Variants in KLRC1 observed in about 807,000 individuals in gnomAD.
KLRC1 encodes killer cell lectin like receptor C1.
A neutral mutation model predicts 25.9 loss-of-function variants in KLRC1; 22 were observed. The observed-to-expected ratio is 0.85, with a 90% confidence interval of 0.61 to 1.21. The LOEUF (loss-of-function observed/expected upper bound fraction) is 1.21. KLRC1 is among the 50% of genes most tolerant of loss of function. The pLI, the probability that KLRC1 is intolerant of heterozygous loss-of-function variation, is 0.00. For missense variants in KLRC1, 240 were observed against 272.2 expected (o/e 0.88, Z 0.83); for synonymous variants, 77 against 93.1 (o/e 0.83, Z 0.99).
rs1486964692 is a variant in KLRC1 at position 10,451,024 on chromosome 12, G to A, written c.133C>T (p.Leu45Phe). 7 of 1,613,612 alleles carry A rather than the reference G, an allele frequency of 4.3e-6. No individual in the cohort carries two copies. Among genetic ancestry groups the A allele is most frequent in the Non-Finnish European group, 5.9e-6 (7 of 1,179,798 alleles). ...TGAAAATCCTGAGAAGCTTTTTGAA[G>A]GTTTAATTCCGCATAGGTTATTTCC... is the stretch of plus-strand genomic sequence containing the variant. Reference protein sequence around the residue: ...EQEITYAELNLQKASQDFQGN... With the variant: ...EQEITYAELNFQKASQDFQGN... Residue 45 changes from leucine to phenylalanine, a missense_variant, in exon 2 of 7, where the codon CTT (leucine) becomes TTT (phenylalanine). Leu to Phe is a conservative substitution (Grantham distance 22). Coordinates refer to ENST00000359151, the MANE Select transcript of KLRC1 (RefSeq NM_002259.5).
At chr12:10,446,724 C>T in intron 6 of KLRC1, 62 bp from the exon 7 acceptor site, 4 of 1,596,158 alleles carry the variant, frequency 2.5e-6, no homozygotes, top group Non-Finnish European at 3.4e-6. Context: ...GAGACGAAAG[C>T]ATTTTCCATG....
intron 2 of KLRC1, 34 bp from the exon 3 acceptor site, chr12:10,450,613 A>T (rs1275585489): frequency 3.1e-6 from 4 of 1,300,242 alleles, no homozygotes; most frequent in Non-Finnish European, 4.5e-6. Context: ...GTGCGAAAGG[A>T]GAGGTGGATA....
chr12:10,447,784 T>A, intron 5 of KLRC1, 152 bp from the exon 6 acceptor site: 1 of 633,344 alleles, frequency 1.6e-6, no homozygotes, highest in Non-Finnish European at 2.7e-6. Flanking sequence ...TGTTTATACT[T>A]AGTACTTTTA....
chr12:10,450,862 T>C (rs536571850), intron 2 of KLRC1, 108 bp downstream of exon 2: 2 of 833,276 alleles, frequency 2.4e-6, no homozygotes, highest in Admixed American at 4.7e-5. Context: ...GGAATTCTGA[T>C]CTTTGCAAAT....
chr12:10,450,441 T>C, intron 3 of KLRC1, 43 bp downstream of exon 3: 1 of 1,078,648 alleles, frequency 9.3e-7, no homozygotes, highest in Non-Finnish European at 1.4e-6. Flanking sequence ...CATTCAATCA[T>C]TAACGTGAAA....
At chr12:10,444,275 A>G (rs1379864227), downstream of KLRC1, among the ~76,000 whole-genome samples, 2 of 144,486 alleles carry the variant, frequency 1.4e-5, no homozygotes, top group Admixed American at 6.8e-5. Context: ...ACGATAAAGA[A>G]TAATGTTACA....
chr12:10,448,275 G>A (rs1864036483), intron 5 of KLRC1, among the ~76,000 whole-genome samples: 1 of 152,142 alleles, frequency 6.6e-6, no homozygotes, highest in African/African-American at 2.4e-5. Flanking sequence ...GTGTCCGAGC[G>A]AGCATGTTAA....
At chr12:10,450,639 T>C in intron 2 of KLRC1, 60 bp from the exon 3 acceptor site, 1 of 1,085,956 alleles carries the variant, frequency 9.2e-7, no homozygotes, top group East Asian at 2.4e-5. Context: ...GTTTAGAAGA[T>C]TCACAGACAA....
chr12:10,446,457 A>T lies in KLRC1; in HGVS notation c.*94T>A. The T allele has an allele frequency of 6.9e-7, 1 of 1,456,398 alleles. No individual in the cohort carries two copies. Among genetic ancestry groups the T allele is most frequent in the Non-Finnish European group, 9.1e-7 (1 of 1,094,994 alleles). The allele number at this position is 1,456,398 out of a possible 1,614,324, so 90.2% of individuals were successfully genotyped here. A position where few individuals can be genotyped will look rare whatever the true frequency, so the allele number is the denominator to read the frequency against. On this transcript the variant is annotated 3_prime_UTR_variant, in exon 7 of 7. Coordinates refer to ENST00000359151, the MANE Select transcript of KLRC1 (RefSeq NM_002259.5). Reference sequence around the variant, plus strand: ...GAATTTTCTTATTAGAGCAAATAACATAATTCATTTTAAGATTTATGCAAT... The same window carrying T: ...GAATTTTCTTATTAGAGCAAATAACTTAATTCATTTTAAGATTTATGCAAT...
At chr12:10,447,964 G>T (rs1402476779) in intron 5 of KLRC1, among the ~76,000 whole-genome samples, 1 of 152,162 alleles carries the variant, frequency 6.6e-6, no homozygotes, top group African/African-American at 2.4e-5. Context: ...CAGAGTTGGA[G>T]ATTTAGAAGA....
upstream of KLRC1, chr12:10,454,415 G>A (rs1864175923): frequency 1.3e-5 from 2 of 158,948 alleles, no homozygotes; most frequent in Admixed American, 6.5e-5. Flanking sequence ...TGGTCATGCT[G>A]CCAAAACCAT....
chr12:10,450,323 C>A, intron 3 of KLRC1, 161 bp downstream of exon 3: 3 of 525,140 alleles, frequency 5.7e-6, no homozygotes, highest in Non-Finnish European at 9.9e-6. Flanking sequence ...AACAATTATT[C>A]TTTCATTTAT....
At chr12:10,448,679 G>A (rs149467219) in intron 5 of KLRC1, among the ~76,000 whole-genome samples, 103 of 152,282 alleles carry the variant, frequency 6.8e-4, no homozygotes, top group East Asian at 5.2e-3. Flanking sequence ...AGTAATAAAC[G>A]ACAGATAACC....
chr12:10,452,314 A>AGTTGTATAAGTACTT (rs1231813823), intron 1 of KLRC1, among the ~76,000 whole-genome samples: 1 of 152,196 alleles, frequency 6.6e-6, no homozygotes, highest in African/African-American at 2.4e-5. Context: ...AGGCCACTTT[A>AGTTGTATAAGTACTT]GTTGTATAAG....
intron 5 of KLRC1, among the ~76,000 whole-genome samples, chr12:10,448,744 T>C (rs1864052846): frequency 6.6e-6 from 1 of 152,192 alleles, no homozygotes; most frequent in Non-Finnish European, 1.5e-5. Context: ...AACACAGACA[T>C]GAAATTCACA....
intron 3 of KLRC1, 138 bp downstream of exon 3, chr12:10,450,346 T>C: frequency 1.8e-6 from 1 of 555,648 alleles, no homozygotes; most frequent in African/African-American, 1.9e-5. Context: ...TTTGACAAAT[T>C]CAGAATAATC....
intron 1 of KLRC1, 32 bp from the exon 2 acceptor site, chr12:10,451,219 T>C: frequency 1.4e-6 from 2 of 1,379,890 alleles, no homozygotes; most frequent in South Asian, 1.7e-5. Context: ...AGTTAATAAA[T>C]GGTTTATATA....
chr12:10,449,959 T>C lies in KLRC1; in HGVS notation c.292A>G (p.Ile98Val), dbSNP rs763074057. 1.4e-6 allele frequency: 2 copies of C among 1,475,648 alleles called. No homozygotes were observed. Among genetic ancestry groups the C allele is most frequent in the Non-Finnish European group, 1.8e-6 (2 of 1,109,388 alleles). 91.4% of individuals were successfully genotyped at this position (1,475,648 alleles called of 1,614,324 possible). Residue 98 changes from isoleucine to valine, a missense_variant, in exon 4 of 7, where the codon ATA becomes GTA. By Grantham distance (29) the Ile-to-Val change is conservative. Coordinates refer to ENST00000359151, the MANE Select transcript of KLRC1 (RefSeq NM_002259.5). Reference sequence around the variant, plus strand: ...AGGGAAGAATTGTTGTGCCTCTGTATTAATGTAGCTAGAAAAATTAAAGTA... The same window carrying C: ...AGGGAAGAATTGTTGTGCCTCTGTACTAATGTAGCTAGAAAAATTAAAGTA... Reference protein sequence around the residue: ...VTIVVIPSTLIQRHNNSSLNT... With the variant: ...VTIVVIPSTLVQRHNNSSLNT...
At chr12:10,444,715 T>C (rs1463985058), downstream of KLRC1, among the ~76,000 whole-genome samples, 1 of 152,076 alleles carries the variant, frequency 6.6e-6, no homozygotes, top group African/African-American at 2.4e-5. Context: ...ATGGCATAAC[T>C]AGTGAATTAT....
Sources: gnomAD v4.1 joint callset for allele counts (sites outside exome capture counted in the v4.1 genomes callset) on GRCh38, gnomAD v4.1.1 for gene constraint, MANE v1.5 for transcripts, NCBI Gene and HGNC (gene_info 2026-07-23, HGNC 2026-07-21) for gene names.